The following NWD1 variants were observed in gnomAD, a reference collection of about 807,000 sequenced individuals.
NWD1 encodes NACHT domain- and WD repeat-containing protein 1.
A neutral mutation model predicts 135.1 loss-of-function variants in NWD1; 129 were observed. The observed-to-expected ratio is 0.96, with a 90% CI of 0.83 to 1.11. The LOEUF (loss-of-function observed/expected upper bound fraction) is 1.11. Ranked by LOEUF, NWD1 falls within the 50% of genes least tolerant of loss-of-function variation. The probability of loss-of-function intolerance (pLI) is 0.00; values close to 1 mark genes in which losing one functional copy is unlikely to be tolerated. For missense variants in NWD1, 1,740 were observed against 1,851.3 expected (o/e 0.94, Z 1.10); for synonymous variants, 773 against 786.0 (o/e 0.98, Z 0.28).
chr19:16,779,785 T>C (rs533386312), intron 12 of NWD1, among the ~76,000 whole-genome samples: 2 of 151,624 alleles, frequency 1.3e-5, no homozygotes, highest in African/African-American at 2.4e-5. Flanking sequence ...TACAAGCACA[T>C]ACCACTATAC....
chr19:16,732,099 C>T (rs771043750), intron 3 of NWD1, among the ~76,000 whole-genome samples: 67 of 151,694 alleles, frequency 4.4e-4, no homozygotes, highest in Non-Finnish European at 8.1e-4. Context: ...TGCCTGTAGT[C>T]CCAGCTACTC....
chr19:16,812,064 A>T (rs1000306151), intron 18 of NWD1, among the ~76,000 whole-genome samples: 1 of 152,040 alleles, frequency 6.6e-6, no homozygotes, highest in African/African-American at 2.4e-5. Flanking sequence ...TAATCTCAGC[A>T]CTTCGGGAAG....
intron 8 of NWD1, 127 bp downstream of exon 8, chr19:16,762,265 G>A (rs1969047581): frequency 1.3e-6 from 1 of 754,272 alleles, no homozygotes; most frequent in Non-Finnish European, 2.2e-6. Flanking sequence ...CGCACAGAGG[G>A]CAAGATGTCC....
At chr19:16,762,229 T>C in intron 8 of NWD1, 91 bp downstream of exon 8, 1 of 1,184,254 alleles carries the variant, frequency 8.4e-7, no homozygotes, top group Non-Finnish European at 1.2e-6. Flanking sequence ...GCACTCGAAA[T>C]GTCCTCCCGA....
chr19:16,799,054 T>C (rs1418752630), intron 16 of NWD1, among the ~76,000 whole-genome samples: 2 of 151,962 alleles, frequency 1.3e-5, no homozygotes, highest in Non-Finnish European at 2.9e-5. Flanking sequence ...GGAACACACT[T>C]TGGGAACTGC....
rs1048515849 is a variant in NWD1 at position 16,745,401 on chromosome 19, C to T, written c.496+683C>T. Among the ~76,000 whole-genome samples, 18 of 151,862 alleles carry T rather than the reference C, an allele frequency of 1.2e-4. 1 individual carries two copies. The highest frequency in any genetic ancestry group is 7.9e-4 in the Admixed American group (12 of 15,248). ...GACTACCATCCCAGTTTGCCTGGGACGGAGGGGTTCCTAGGATGCAGGATT... is the reference window on the plus strand; with the variant it reads ...GACTACCATCCCAGTTTGCCTGGGATGGAGGGGTTCCTAGGATGCAGGATT... On this transcript the variant is annotated intron_variant, in intron 5 of 18. Coordinates refer to ENST00000524140, the MANE Select transcript of NWD1 (RefSeq NM_001007525.5).
chr19:16,792,004 G>A (rs1241326070), intron 14 of NWD1, among the ~76,000 whole-genome samples: 2 of 152,096 alleles, frequency 1.3e-5, no homozygotes, highest in Admixed American at 1.3e-4. Flanking sequence ...ATGAGCCACC[G>A]TGCCCGGCCA....
intron 6 of NWD1, among the ~76,000 whole-genome samples, chr19:16,751,175 G>A (rs763934879): frequency 2.7e-5 from 4 of 147,016 alleles, no homozygotes; most frequent in Middle Eastern, 7.0e-3. Flanking sequence ...CGTGAGCCGA[G>A]ATCACGCCAT....
chr19:16,789,823 T>A (rs1380242288), intron 13 of NWD1, among the ~76,000 whole-genome samples: 1 of 151,388 alleles, frequency 6.6e-6, no homozygotes, highest in Non-Finnish European at 1.5e-5. Context: ...GTTGAAGTGA[T>A]TCTCCTGCCT....
chr19:16,730,542 C>T (rs1967515568), intron 2 of NWD1, among the ~76,000 whole-genome samples: 1 of 151,786 alleles, frequency 6.6e-6, no homozygotes, highest in African/African-American at 2.4e-5. Flanking sequence ...AGTGAGACTC[C>T]TTCTCTACAA....
chr19:16,769,672 T>C (rs922563863), intron 10 of NWD1, among the ~76,000 whole-genome samples: 4 of 152,108 alleles, frequency 2.6e-5, no homozygotes, highest in Non-Finnish European at 4.4e-5. Context: ...GGGCTGGGAC[T>C]CGCCTCCCCC....
At chr19:16,729,577 T>TAAAAAAAAAAAAAA (rs537329853) in intron 2 of NWD1, among the ~76,000 whole-genome samples, 2,206 of 124,454 alleles carry the variant, frequency 0.018, 59 homozygotes, top group African/African-American at 0.061. Flanking sequence ...TTACAAAAAG[T>TAAAAAAAAAAAAAA]AAAAAAAAAA....
intron 6 of NWD1, among the ~76,000 whole-genome samples, chr19:16,753,777 C>G (rs533474280): frequency 6.6e-6 from 1 of 152,202 alleles, no homozygotes; most frequent in South Asian, 2.1e-4. Context: ...CTGAGAGACC[C>G]TATCCATTCA....
In NWD1 at chr19:16,791,382, G is replaced by A. The variant is rs143037753; in HGVS notation, c.2973G>A (p.Pro991=). The part of the protein sequence containing the change: ...INAWNLETAE[P]VFHILGDASD... Reference sequence around the variant, plus strand: ...CTTGGAATCTGGAAACTGCAGAGCCGGTATTCCATATCCTGGGAGATGCCT... The same window carrying A: ...CTTGGAATCTGGAAACTGCAGAGCCAGTATTCCATATCCTGGGAGATGCCT... The change falls in exon 14 of 19, where the codon CCG becomes CCA. Residue 991 remains proline (P), a synonymous_variant. Transcript: ENST00000524140. 3.0e-5 allele frequency: 49 copies of A among 1,613,868 alleles called. No individual in the cohort carries two copies. Among genetic ancestry groups the A allele is most frequent in the African/African-American group, 1.9e-4 (14 of 74,948 alleles).
At chr19:16,777,333 G>A (rs1969670349) in intron 11 of NWD1, among the ~76,000 whole-genome samples, 1 of 3,226 alleles carries the variant, frequency 3.1e-4, no homozygotes, top group Non-Finnish European at 6.0e-4. Context: ...AAAGAGGAGG[G>A]AAGGGAAGGG....
At chr19:16,812,929 AG>A in intron 18 of NWD1, 1 of 773,484 alleles carries the variant, frequency 1.3e-6, no homozygotes, top group Admixed American at 1.7e-5. Context: ...TGGGCATTAG[AG>A]GGCCCTGCTC....
intron 12 of NWD1, among the ~76,000 whole-genome samples, chr19:16,786,144 C>T (rs952911452): frequency 6.6e-6 from 1 of 151,926 alleles, no homozygotes; most frequent in Non-Finnish European, 1.5e-5. Flanking sequence ...GGTTTACAGG[C>T]GTGAGCCACT....
chr19:16,745,560 C>T (rs1447630416), intron 5 of NWD1, among the ~76,000 whole-genome samples: 2 of 148,560 alleles, frequency 1.3e-5, no homozygotes, highest in African/African-American at 5.0e-5. Flanking sequence ...GACACCTCAT[C>T]TCTACAAAAA....
At chr19:16,768,988 G>A (rs1196532589) in intron 10 of NWD1, among the ~76,000 whole-genome samples, 1 of 152,052 alleles carries the variant, frequency 6.6e-6, no homozygotes, top group Non-Finnish European at 1.5e-5. Context: ...TGCCTACTTT[G>A]GATTCATTCT....
Sources: allele counts gnomAD v4.1 joint callset (sites outside exome capture counted in the v4.1 genomes callset), GRCh38; gene constraint gnomAD v4.1.1; transcripts MANE v1.5; gene names NCBI Gene and HGNC (gene_info 2026-07-23, HGNC 2026-07-21).